The following RHOH variants were observed in gnomAD, a reference collection of about 807,000 sequenced individuals.
RHOH encodes the protein rho-related GTP-binding protein RhoH.
RHOH carries 6 observed loss-of-function variants against 13.8 expected under a neutral mutation model. The observed-to-expected ratio is 0.44, with a 90% CI of 0.24 to 0.86. The LOEUF is 0.86. RHOH is among the 40% of genes least tolerant of loss of function. RHOH has a pLI of 0.24. For missense variants in RHOH, 147 were observed against 244.5 expected, an observed-to-expected ratio of 0.60 and a Z score of 2.66; for synonymous variants, 117 against 103.0, an observed-to-expected ratio of 1.14 and a Z score of -0.82.
intron 1 of RHOH, among the ~76,000 whole-genome samples, chr4:40,219,919 G>A (rs1179669078): frequency 3.3e-5 from 5 of 152,060 alleles, no homozygotes; most frequent in East Asian, 1.9e-4. Flanking sequence ...ATATGCATTC[G>A]TACTTACAGC....
chr4:40,235,603 A>AAAG (rs1553860276), intron 1 of RHOH, among the ~76,000 whole-genome samples: 3 of 145,904 alleles, frequency 2.1e-5, no homozygotes, highest in African/African-American at 7.6e-5. Flanking sequence ...AAAAAAAAAA[A>AAAG]AAAAAGAAAA....
At chr4:40,233,905 G>GACAGAGTAAT (rs950493571) in intron 1 of RHOH, among the ~76,000 whole-genome samples, 1 of 149,244 alleles carries the variant, frequency 6.7e-6, no homozygotes, top group African/African-American at 2.5e-5. Flanking sequence ...CAGCCTGGGC[G>GACAGAGTAAT]ACAGAGTAAT....
Position 40,243,555 on chromosome 4 carries a change from T to G in RHOH, c.169T>G (p.Trp57Gly). 6.2e-7 allele frequency: 1 copy of G among 1,614,136 alleles called. No homozygotes were observed. The highest frequency in any genetic ancestry group is 8.5e-7 in the Non-Finnish European group (1 of 1,180,030). ...MDGIQISLGLWDTAGNDAFRS... is the reference protein window; with the variant it reads ...MDGIQISLGLGDTAGNDAFRS... ...TGGCATCCAGATCAGCCTGGGCCTCTGGGACACAGCCGGCAATGACGCCTT... is the reference window on the plus strand; with the variant it reads ...TGGCATCCAGATCAGCCTGGGCCTCGGGGACACAGCCGGCAATGACGCCTT... The change falls in exon 3 of 3, where the codon TGG becomes GGG. Residue 57 changes from tryptophan (W) to glycine (G), a missense_variant. Transcript: ENST00000381799. This position sits in a 1 kb window ranked among gnomAD's most constrained non-coding sequence, Gnocchi z 6.2.
rs1003378477 is a variant in RHOH, at chr4:40,218,448, G to C, written c.-331+21148G>C. The C allele has an allele frequency of 6.6e-6, 1 of 152,202 alleles. No homozygotes were observed. Among genetic ancestry groups the C allele is most frequent in the Non-Finnish European group, 1.5e-5 (1 of 68,050 alleles). 9.4% of individuals were successfully genotyped at this position (152,202 alleles called of 1,614,324 possible). A position where few individuals can be genotyped will look rare whatever the true frequency, so the allele number is the denominator to read the frequency against. On this transcript the variant is annotated intron_variant, in intron 1 of 2. Transcript: ENST00000381799. This position sits in a 1 kb window ranked among gnomAD's most constrained non-coding sequence, Gnocchi z 4.1. ...GAACACAGTCTTGGAAATCAGACAC[G>C]TGCTAGGGCCCCCTGTGCTTAGCTC...
intron 1 of RHOH, among the ~76,000 whole-genome samples, chr4:40,237,449 C>T (rs7683706): frequency 0.51 from 75,114 of 148,416 alleles, 21,402 homozygotes; most frequent in Non-Finnish European, 0.65. Context: ...AGTGAGACTC[C>T]GTCTCAAAAA....
intron 1 of RHOH, among the ~76,000 whole-genome samples, chr4:40,211,091 T>C (rs1168985261): frequency 1.3e-5 from 2 of 152,222 alleles, no homozygotes; most frequent in East Asian, 3.8e-4. Context: ...GTTGTAATTG[T>C]TGTTGGTCTT....
chr4:40,222,636 C>T (rs1726725077), intron 1 of RHOH, among the ~76,000 whole-genome samples: 1 of 152,206 alleles, frequency 6.6e-6, no homozygotes, highest in South Asian at 2.1e-4. Context: ...CACCTAGTCA[C>T]CCAAGAGCTC....
At chr4:40,225,272 C>T (rs1355098449) in intron 1 of RHOH, among the ~76,000 whole-genome samples, 2 of 152,082 alleles carry the variant, frequency 1.3e-5, no homozygotes, top group African/African-American at 2.4e-5. Flanking sequence ...CCACCACACC[C>T]GGCTAATCTT....
At chr4:40,226,685 A>G (rs982606918) in intron 1 of RHOH, among the ~76,000 whole-genome samples, 1 of 152,200 alleles carries the variant, frequency 6.6e-6, no homozygotes, top group Non-Finnish European at 1.5e-5. Context: ...CTGCATATCC[A>G]GAACAAATTA....
intron 1 of RHOH, among the ~76,000 whole-genome samples, chr4:40,202,071 C>T (rs973770024): frequency 1.6e-4 from 24 of 151,598 alleles, no homozygotes; most frequent in African/African-American, 5.6e-4. Flanking sequence ...CTGCCTTAGC[C>T]TCCCAAGTAG....
upstream of RHOH, chr4:40,191,428 G>T (rs1456462450): frequency 6.6e-6 from 1 of 152,160 alleles, no homozygotes; most frequent in Non-Finnish European, 1.5e-5. Flanking sequence ...TTATTAAGCT[G>T]TCTCTCAAGG....
chr4:40,213,318 C>G (rs1329887433), intron 1 of RHOH, among the ~76,000 whole-genome samples: 1 of 151,612 alleles, frequency 6.6e-6, no homozygotes, highest in African/African-American at 2.4e-5. Flanking sequence ...GTGGGTCTCA[C>G]TCTTCTAGTT....
chr4:40,236,953 A>G (rs1017047711), intron 1 of RHOH, among the ~76,000 whole-genome samples: 1 of 152,220 alleles, frequency 6.6e-6, no homozygotes, highest in Non-Finnish European at 1.5e-5. Context: ...GTGGAAATCT[A>G]TTTAGCTGAA....
chr4:40,200,456 C>A lies in RHOH; in HGVS notation c.-331+3156C>A, dbSNP rs1321957336. ...CAGCCCTCACGTGAGGTCCAGGAAT[C>A]TGTGTGATTAAAAAATACAAGCCCC... On this transcript the variant is annotated intron_variant, in intron 1 of 2. Coordinates refer to ENST00000381799, the MANE Select transcript of RHOH (RefSeq NM_004310.5). 3 of 152,082 alleles carry A rather than the reference C, an allele frequency of 2.0e-5. No homozygotes were observed. The East Asian group carries it at 5.8e-4, about 29-fold the overall frequency. 9.4% of individuals were successfully genotyped at this position (152,082 alleles called of 1,614,324 possible). A position where few individuals can be genotyped will look rare whatever the true frequency, so the allele number is the denominator to read the frequency against.
chr4:40,202,359 G>A (rs980227519), intron 1 of RHOH, among the ~76,000 whole-genome samples: 2 of 152,190 alleles, frequency 1.3e-5, no homozygotes, highest in South Asian at 2.1e-4. Flanking sequence ...TTCTGATTTT[G>A]TTGTGAATAA....
At chr4:40,214,059 G>A (rs868159117) in intron 1 of RHOH, among the ~76,000 whole-genome samples, 5 of 152,106 alleles carry the variant, frequency 3.3e-5, no homozygotes, top group Admixed American at 6.6e-5. Flanking sequence ...GCCTGGCCTA[G>A]TTCCTTTATT....
chr4:40,197,641 T>C (rs1723369895), intron 1 of RHOH, among the ~76,000 whole-genome samples: 1 of 152,216 alleles, frequency 6.6e-6, no homozygotes, highest in African/African-American at 2.4e-5. Flanking sequence ...GAAGTAAATC[T>C]AAAGATGCTC....
intron 1 of RHOH, among the ~76,000 whole-genome samples, chr4:40,233,600 G>A (rs891384787): frequency 6.6e-6 from 1 of 152,140 alleles, no homozygotes; most frequent in Non-Finnish European, 1.5e-5. Flanking sequence ...AGACCAAATT[G>A]AAAATATTTT....
At position 40,245,846 on chromosome 4, in the gene RHOH, T is replaced by A. The variant is rs1404720030; in HGVS notation, c.*1884T>A. The A allele has an allele frequency of 2.6e-5, 4 of 152,144 alleles. No homozygotes were observed. Among genetic ancestry groups the A allele is most frequent in the Admixed American group, 2.6e-4 (4 of 15,274 alleles). The allele number at this position is 152,144 out of a possible 1,614,324, so 9.4% of individuals were successfully genotyped here. A position where few individuals can be genotyped will look rare whatever the true frequency, so the allele number is the denominator to read the frequency against. Reference sequence around the variant, plus strand: ...GCTCATTCACACATTGCTTTCTCCTTCTCTCTCTCCTCCTATCCACAGCCA... The same window carrying A: ...GCTCATTCACACATTGCTTTCTCCTACTCTCTCTCCTCCTATCCACAGCCA... On this transcript the variant is annotated 3_prime_UTR_variant, in exon 3 of 3. Coordinates refer to ENST00000381799, the MANE Select transcript of RHOH (RefSeq NM_004310.5).
Sources: allele counts gnomAD v4.1 joint callset (sites outside exome capture counted in the v4.1 genomes callset), GRCh38; gene constraint gnomAD v4.1.1; non-coding constraint Gnocchi (gnomAD v3.1); transcripts MANE v1.5; gene names NCBI Gene and HGNC (gene_info 2026-07-23, HGNC 2026-07-21).